SH3GL2: variants seen among roughly 807,000 people sequenced by gnomAD.
SH3GL2 encodes the protein endophilin-A1.
Under a neutral mutation model 46.0 loss-of-function variants are expected in SH3GL2, and 24 were observed. The ratio of observed to expected loss-of-function variants is 0.52; its 90% CI spans 0.38 to 0.73. The LOEUF (loss-of-function observed/expected upper bound fraction) is 0.73. Ranked by LOEUF, SH3GL2 falls within the 30% of genes least tolerant of loss-of-function variation. The pLI is 0.00. For synonymous variants in SH3GL2, 196 were observed against 147.1 expected, an observed-to-expected ratio of 1.33 and a Z score of -2.40; for missense variants, 413 against 424.2, an observed-to-expected ratio of 0.97 and a Z score of 0.23.
intron 1 of SH3GL2, among the ~76,000 whole-genome samples, chr9:17,615,568 G>A (rs977155650): frequency 1.4e-5 from 2 of 145,960 alleles, no homozygotes; most frequent in Non-Finnish European, 3.0e-5. Flanking sequence ...GGCAGGAGAA[G>A]TTCTTGAACC....
chr9:17,616,066 C>G (rs897468965), intron 1 of SH3GL2, among the ~76,000 whole-genome samples: 10 of 152,112 alleles, frequency 6.6e-5, no homozygotes, highest in African/African-American at 2.4e-4. Context: ...TAATGATGCC[C>G]TTGATCAGTA....
At chr9:17,764,326 G>T (rs1563844708) in intron 3 of SH3GL2, among the ~76,000 whole-genome samples, 1 of 152,160 alleles carries the variant, frequency 6.6e-6, no homozygotes, top group Admixed American at 6.5e-5. Flanking sequence ...CCAGCTTCTT[G>T]CCCTGAGAGT....
chr9:17,787,589 ATT>A, intron 5 of SH3GL2, 76 bp downstream of exon 5: 1 of 1,258,554 alleles, frequency 7.9e-7, no homozygotes, highest in South Asian at 1.3e-5. Context: ...TTTAGAAAAC[ATT>A]TTTTTAGCTT....
At chr9:17,627,809 A>G (rs1423970431) in intron 1 of SH3GL2, among the ~76,000 whole-genome samples, 1 of 152,224 alleles carries the variant, frequency 6.6e-6, no homozygotes, top group Non-Finnish European at 1.5e-5. Context: ...TGGCATCCAG[A>G]GAGGCCGTGT....
In SH3GL2 at chr9:17,686,940, TA is replaced by T. The variant is rs59187344; in HGVS notation, c.46-60115del. 3.1e-3 allele frequency among the ~76,000 whole-genome samples: 455 copies of T among 148,488 alleles called. 4 individuals carry two copies. Among genetic ancestry groups the T allele is most frequent in the African/African-American group, 8.8e-3 (355 of 40,532 alleles). ...TGTACCCTAAAACTTAAAGTATAAT[TA>T]AAAAAAAAAAGAATTGTGGGAAGAT... On this transcript the variant is annotated intron_variant, in intron 1 of 8. Transcript: ENST00000380607.
chr9:17,671,292 A>C (rs1380927333), intron 1 of SH3GL2, among the ~76,000 whole-genome samples: 1 of 142,030 alleles, frequency 7.0e-6, no homozygotes, highest in Non-Finnish European at 1.6e-5. Context: ...TCTGTTTTAC[A>C]CAATGAGGAA....
intron 7 of SH3GL2, among the ~76,000 whole-genome samples, chr9:17,791,913 T>C (rs1014220180): frequency 2.0e-5 from 3 of 152,232 alleles, no homozygotes; most frequent in Non-Finnish European, 4.4e-5. Context: ...AGGGCTGTAG[T>C]AGTAGGAAAC....
At chr9:17,583,629 C>G (rs1818318529) in intron 1 of SH3GL2, among the ~76,000 whole-genome samples, 1 of 152,056 alleles carries the variant, frequency 6.6e-6, no homozygotes, top group African/African-American at 2.4e-5. Context: ...AGAAATATAC[C>G]TATTATAAAT....
intron 1 of SH3GL2, among the ~76,000 whole-genome samples, chr9:17,721,256 C>A (rs1273659417): frequency 1.3e-5 from 2 of 152,000 alleles, no homozygotes; most frequent in African/African-American, 4.8e-5. Context: ...TTCTATGGAA[C>A]TTGACCATTT....
intron 1 of SH3GL2, among the ~76,000 whole-genome samples, chr9:17,662,027 T>C (rs1180366081): frequency 6.6e-6 from 1 of 152,224 alleles, no homozygotes; most frequent in Non-Finnish European, 1.5e-5. Flanking sequence ...ATAATTTTAC[T>C]CTTTTAAATT....
At chr9:17,644,564 C>G (rs1225730878) in intron 1 of SH3GL2, among the ~76,000 whole-genome samples, 1 of 152,096 alleles carries the variant, frequency 6.6e-6, no homozygotes, top group Non-Finnish European at 1.5e-5. Context: ...TTGTTTCTGC[C>G]TTAATTTTGA....
intron 3 of SH3GL2, among the ~76,000 whole-genome samples, chr9:17,764,172 T>TTATGTATGGCAG (rs1823254575): frequency 6.6e-6 from 1 of 152,204 alleles, no homozygotes; most frequent in African/African-American, 2.4e-5. Flanking sequence ...AGAAAAACAG[T>TTATGTATGGCAG]TATGTATGGG....
At chr9:17,745,960 G>A (rs1822669334) in intron 1 of SH3GL2, among the ~76,000 whole-genome samples, 1 of 152,162 alleles carries the variant, frequency 6.6e-6, no homozygotes, top group East Asian at 1.9e-4. Context: ...GGAATGAAAA[G>A]GTCTTCGTGC....
intron 1 of SH3GL2, among the ~76,000 whole-genome samples, chr9:17,622,931 T>C (rs1056611120): frequency 6.6e-6 from 1 of 151,524 alleles, no homozygotes; most frequent in African/African-American, 2.4e-5. Context: ...TTATACCTGC[T>C]CCTTCCTTGC....
chr9:17,765,250 C>G (rs1357748869), intron 3 of SH3GL2, among the ~76,000 whole-genome samples: 1 of 134,066 alleles, frequency 7.5e-6, no homozygotes, highest in Admixed American at 7.3e-5. Context: ...GCTTTCACAT[C>G]TTGGGTTCAT....
At chr9:17,589,950 T>C (rs982581614) in intron 1 of SH3GL2, 1 of 152,124 alleles carries the variant, frequency 6.6e-6, no homozygotes, top group African/African-American at 2.4e-5. Context: ...CCAGACATAA[T>C]TTGGAAGGCA....
chr9:17,723,157 A>G (rs1024197352), intron 1 of SH3GL2, among the ~76,000 whole-genome samples: 7 of 152,110 alleles, frequency 4.6e-5, no homozygotes, highest in Non-Finnish European at 1.0e-4. Context: ...TATTTGCTTC[A>G]TATTTGTACA....
chr9:17,740,652 G>T (rs1335004486), intron 1 of SH3GL2, among the ~76,000 whole-genome samples: 2 of 152,106 alleles, frequency 1.3e-5, no homozygotes, highest in Non-Finnish European at 2.9e-5. Context: ...TAAAGAGCTT[G>T]TGCATTAAGT....
At chr9:17,647,546 A>G (rs1474703288) in intron 1 of SH3GL2, among the ~76,000 whole-genome samples, 2 of 152,192 alleles carry the variant, frequency 1.3e-5, no homozygotes, top group African/African-American at 4.8e-5. Flanking sequence ...TGTAACATAC[A>G]AAGCCTCACC....
Sources: allele counts gnomAD v4.1 joint callset (sites outside exome capture counted in the v4.1 genomes callset), GRCh38; gene constraint gnomAD v4.1.1; transcripts MANE v1.5; gene names NCBI Gene and HGNC (gene_info 2026-07-23, HGNC 2026-07-21).